ME2: variants seen among roughly 807,000 people sequenced by gnomAD.
ME2 encodes NAD-dependent malic enzyme, mitochondrial.
Under a neutral mutation model 73.7 loss-of-function variants are expected in ME2, and 60 were observed. The observed-to-expected ratio is 0.81, with a 90% CI of 0.66 to 1.01. The LOEUF (loss-of-function observed/expected upper bound fraction) is 1.01. Ranked by LOEUF, ME2 falls within the 50% of genes least tolerant of loss-of-function variation. The pLI is 0.00. For missense variants in ME2, 594 were observed against 705.5 expected, an observed-to-expected ratio of 0.84 and a Z score of 1.79; for synonymous variants, 199 against 236.9, an observed-to-expected ratio of 0.84 and a Z score of 1.47.
At chr18:50,896,055 T>A in intron 2 of ME2, 127 bp downstream of exon 2, 1 of 648,694 alleles carries the variant, frequency 1.5e-6, no homozygotes, top group Non-Finnish European at 2.5e-6. Flanking sequence ...GTTGTTTACA[T>A]GAAATTTTCA....
intron 1 of ME2, among the ~76,000 whole-genome samples, chr18:50,880,002 C>T (rs1916274312): frequency 6.6e-6 from 1 of 152,172 alleles, no homozygotes; most frequent in Admixed American, 6.5e-5. Flanking sequence ...ATCAAATTAA[C>T]ACGTGCTTTC....
Position 50,952,243 on chromosome 18 carries a change from T to A in ME2, c.*5059T>A, listed in dbSNP as rs1918242062. The A allele has an allele frequency of 1.3e-5, 2 of 152,182 alleles. No individual in the cohort carries two copies. The highest frequency in any genetic ancestry group is 4.1e-4 in the South Asian group (2 of 4,836). 9.4% of individuals were successfully genotyped at this position (152,182 alleles called of 1,614,324 possible). A position where few individuals can be genotyped will look rare whatever the true frequency, so the allele number is the denominator to read the frequency against. On this transcript the variant is annotated 3_prime_UTR_variant, in exon 16 of 16. Transcript: ENST00000321341. ...AAAACTTTCTCATCTGAAATCAGGG[T>A]AAGTTTTTTTAATGTAAGCAGAGAA...
In ME2 at chr18:50,946,525, T is replaced by C. The variant is rs759753803; in HGVS notation, c.1588-492T>C. Among the ~76,000 whole-genome samples the C allele has an allele frequency of 1.4e-4, 21 of 152,232 alleles. 1 individual carries two copies. Among genetic ancestry groups the C allele is most frequent in the Non-Finnish European group, 2.8e-4 (19 of 68,040 alleles). On this transcript the variant is annotated intron_variant, in intron 15 of 15. Transcript: ENST00000321341. Reference sequence around the variant, plus strand: ...AAAACACATAGAAAGTGCCTGGCACTCAGTGATAGTGGTGTCAGTTCCCCT... The same window carrying C: ...AAAACACATAGAAAGTGCCTGGCACCCAGTGATAGTGGTGTCAGTTCCCCT...
At chr18:50,945,979 A>G (rs1036686783) in intron 15 of ME2, among the ~76,000 whole-genome samples, 5 of 152,176 alleles carry the variant, frequency 3.3e-5, no homozygotes, top group African/African-American at 1.2e-4. Flanking sequence ...AGGCAGGAGA[A>G]TCGCTTGAAC....
At chr18:50,921,378 T>A (rs373404923) in intron 10 of ME2, among the ~76,000 whole-genome samples, 191 bp downstream of exon 10, 16 of 152,124 alleles carry the variant, frequency 1.1e-4, no homozygotes, top group East Asian at 7.7e-4. Flanking sequence ...TCATATTGAA[T>A]TAATAATCTC....
intron 1 of ME2, among the ~76,000 whole-genome samples, chr18:50,889,838 A>G (rs1216955670): frequency 2.0e-5 from 3 of 152,222 alleles, no homozygotes; most frequent in Non-Finnish European, 2.9e-5. Context: ...AACATGCCCA[A>G]TAAGCCTAAT....
At chr18:50,898,449 G>C (rs961168871) in intron 2 of ME2, among the ~76,000 whole-genome samples, 3 of 151,626 alleles carry the variant, frequency 2.0e-5, no homozygotes, top group Non-Finnish European at 2.9e-5. Context: ...TTATTTTTTT[G>C]AGACAGGTTC....
chr18:50,882,919 A>G (rs567567944), intron 1 of ME2, among the ~76,000 whole-genome samples: 1 of 152,172 alleles, frequency 6.6e-6, no homozygotes, highest in Non-Finnish European at 1.5e-5. Context: ...ACTGTACTCC[A>G]GCCTGGGCGA....
At position 50,912,775 on chromosome 18, in the gene ME2, A is replaced by G. The variant is rs749517936; in HGVS notation, c.243-26A>G. 2.7e-6 allele frequency: 4 copies of G among 1,508,452 alleles called. No homozygotes were observed. The South Asian group carries it at 5.3e-5, about 20-fold the overall frequency. The allele number at this position is 1,508,452 out of a possible 1,614,324, so 93.4% of individuals were successfully genotyped here. ...TTTAATGTAATGCAGGCTGACTTAGACATTATTTACTGTGCTTCATTTCAG... is the reference window on the plus strand; with the variant it reads ...TTTAATGTAATGCAGGCTGACTTAGGCATTATTTACTGTGCTTCATTTCAG... On this transcript the variant is annotated intron_variant, in intron 3 of 15. Transcript: ENST00000321341.
At chr18:50,894,991 T>C (rs950533149) in intron 1 of ME2, among the ~76,000 whole-genome samples, 3 of 151,978 alleles carry the variant, frequency 2.0e-5, no homozygotes, top group Admixed American at 6.5e-5. Flanking sequence ...ATGGTTTTGC[T>C]GCCCCTTCAC....
chr18:50,918,806 A>T (rs1277118005), intron 7 of ME2, among the ~76,000 whole-genome samples: 3 of 149,342 alleles, frequency 2.0e-5, no homozygotes, highest in Non-Finnish European at 4.4e-5. Flanking sequence ...TATGACCTTT[A>T]TGCATGTTAC....
At chr18:50,920,419 T>C (rs2144237567) in intron 7 of ME2, 37 bp from the exon 8 acceptor site, 2 of 1,378,534 alleles carry the variant, frequency 1.5e-6, no homozygotes, top group Non-Finnish European at 2.0e-6. Flanking sequence ...AATAGTGTTA[T>C]TTTCAACACA....
At chr18:50,907,319 G>A (rs552020330) in intron 2 of ME2, among the ~76,000 whole-genome samples, 2 of 152,160 alleles carry the variant, frequency 1.3e-5, no homozygotes, top group Non-Finnish European at 2.9e-5. Flanking sequence ...AACTCACAAA[G>A]CTTGTTGCTT....
chr18:50,901,203 C>G (rs561603241), intron 2 of ME2, among the ~76,000 whole-genome samples: 95 of 152,140 alleles, frequency 6.2e-4, no homozygotes, highest in Middle Eastern at 3.2e-3. Flanking sequence ...AGCGCCTATC[C>G]GTATTGAGGT....
In ME2 at chr18:50,948,716, G is replaced by A; in HGVS notation, c.*1532G>A. On this transcript the variant is annotated 3_prime_UTR_variant, in exon 16 of 16. Transcript: ENST00000321341. ...ACGCCACCACGCCCAGCTAATTTTT[G>A]TATTTTTAGTAGAGACGGGATTTCA... is the stretch of plus-strand genomic sequence containing the variant. 6.6e-6 allele frequency: 1 copy of A among 151,584 alleles called. No individual in the cohort carries two copies. The highest frequency in any genetic ancestry group is 1.5e-5 in the Non-Finnish European group (1 of 67,944). 9.4% of individuals were successfully genotyped at this position (151,584 alleles called of 1,614,324 possible).
At chr18:50,911,982 G>T (rs1181448574) in intron 3 of ME2, among the ~76,000 whole-genome samples, 9 of 152,154 alleles carry the variant, frequency 5.9e-5, no homozygotes, top group Non-Finnish European at 1.3e-4. Flanking sequence ...GTGCAAGGGT[G>T]GAGGGAGCTA....
intron 12 of ME2, among the ~76,000 whole-genome samples, chr18:50,927,751 T>TATATATATATATATATATATATATAC (rs1316314513): frequency 3.2e-5 from 4 of 123,292 alleles, no homozygotes; most frequent in African/African-American, 1.3e-4. Flanking sequence ...TATATATATA[T>TATATATATATATATATATATATATAC]ACACACCACA....
intron 12 of ME2, 71 bp downstream of exon 12, chr18:50,925,969 C>A: frequency 6.5e-6 from 7 of 1,077,206 alleles, no homozygotes; most frequent in Non-Finnish European, 9.8e-6. Context: ...TACATTCTTA[C>A]ACCATTGTTC....
intron 11 of ME2, among the ~76,000 whole-genome samples, chr18:50,925,049 T>C (rs1240992070): frequency 2.0e-5 from 3 of 152,086 alleles, no homozygotes; most frequent in Non-Finnish European, 4.4e-5. Flanking sequence ...TGAATTTAAC[T>C]ACCTCATATA....
Sources: gnomAD v4.1 joint callset for allele counts (sites outside exome capture counted in the v4.1 genomes callset) on GRCh38, gnomAD v4.1.1 for gene constraint, MANE v1.5 for transcripts, NCBI Gene and HGNC (gene_info 2026-07-23, HGNC 2026-07-21) for gene names.